Variants in CLEC2D observed in about 807,000 individuals in gnomAD.
The protein encoded by CLEC2D is C-type lectin related f.
In CLEC2D, 16 loss-of-function variants were observed where a neutral mutation model predicts 20.0. The observed-to-expected ratio is 0.80, with a 90% CI of 0.54 to 1.22. The LOEUF (loss-of-function observed/expected upper bound fraction) is 1.22. Among genes scored for constraint, CLEC2D ranks in the 50% most tolerant of loss-of-function variants. CLEC2D has a pLI of 0.00. For synonymous variants in CLEC2D, 77 were observed against 71.1 expected (o/e 1.08, Z -0.42); for missense variants, 207 against 221.5 (o/e 0.93, Z 0.42).
intron 2 of CLEC2D, among the ~76,000 whole-genome samples, chr12:9,682,730 G>A (rs1170165761): frequency 1.3e-5 from 2 of 152,136 alleles, no homozygotes; most frequent in East Asian, 1.9e-4. Flanking sequence ...AGTATTCCAT[G>A]GTGTATATGT....
Position 9,694,820 on chromosome 12 carries a change from C to T in CLEC2D, c.522C>T (p.Ala174=). The part of the protein sequence containing the change: ...AYLNDKGASS[A]RHYTERKWIC... The stretch of plus-strand genomic sequence containing the variant: ...TGAATGACAAAGGTGCCAGTAGTGC[C>T]AGGCACTACACAGAGAGGAAGTGGA... The change falls in exon 5 of 5, where the codon GCC becomes GCT. Residue 174 remains alanine (A), a synonymous_variant. Coordinates refer to ENST00000290855, the MANE Select transcript of CLEC2D (RefSeq NM_013269.6). The T allele has an allele frequency of 6.2e-7, 1 of 1,612,796 alleles. No individual in the cohort carries two copies.
At chr12:9,676,470 A>G (rs1865522619) in intron 1 of CLEC2D, among the ~76,000 whole-genome samples, 1 of 152,158 alleles carries the variant, frequency 6.6e-6, no homozygotes, top group Non-Finnish European at 1.5e-5. Context: ...TGTTATGGAT[A>G]ACATTAATTG....
intron 3 of CLEC2D, among the ~76,000 whole-genome samples, chr12:9,690,706 T>C (rs142245019): frequency 2.0e-5 from 3 of 152,102 alleles, no homozygotes; most frequent in Non-Finnish European, 4.4e-5. Flanking sequence ...GTTACAAGTT[T>C]AAGATGCTAA....
chr12:9,695,584 G>T lies in CLEC2D; in HGVS notation c.*710G>T, dbSNP rs535141989. On this transcript the variant is annotated 3_prime_UTR_variant, in exon 5 of 5. Transcript: ENST00000290855. ...TGTTGAAGCAGAGGCCATGAATGAC[G>T]AAGGCAGTCCAATTAAAGTAACACT... 30 of 1,521,952 alleles carry T rather than the reference G, an allele frequency of 2.0e-5. No homozygotes were observed. The Admixed American group carries it at 4.7e-4, about 24-fold the overall frequency. The allele number at this position is 1,521,952 out of a possible 1,614,324, so 94.3% of individuals were successfully genotyped here.
intron 1 of CLEC2D, chr12:9,680,049 A>C (rs1483967455): frequency 6.5e-6 from 1 of 154,546 alleles, no homozygotes; most frequent in East Asian, 1.9e-4. Context: ...TGTAGTTCTC[A>C]TAATCCCCAC....
At chr12:9,671,623 A>AG (rs1565462879) in intron 1 of CLEC2D, among the ~76,000 whole-genome samples, 1 of 152,170 alleles carries the variant, frequency 6.6e-6, no homozygotes. Context: ...TGTAGACAAG[A>AG]GGGGGAGAAA....
At chr12:9,670,380 A>G (rs1413848956) in intron 1 of CLEC2D, among the ~76,000 whole-genome samples, 1 of 152,224 alleles carries the variant, frequency 6.6e-6, no homozygotes, top group Non-Finnish European at 1.5e-5. Context: ...AGGACTTAAA[A>G]GTTTGGAGTT....
chr12:9,686,440 T>G (rs1269222322), intron 2 of CLEC2D, among the ~76,000 whole-genome samples: 1 of 152,136 alleles, frequency 6.6e-6, no homozygotes, highest in Non-Finnish European at 1.5e-5. Flanking sequence ...AGTTATAATT[T>G]GGTATCACCT....
chr12:9,679,625 G>A (rs1865593841), intron 1 of CLEC2D, among the ~76,000 whole-genome samples: 1 of 152,100 alleles, frequency 6.6e-6, no homozygotes, highest in Non-Finnish European at 1.5e-5. Flanking sequence ...GATAAAGGGG[G>A]TACAGGGGCA....
rs1865618629 is a variant in CLEC2D, at chr12:9,680,803, T to A, written c.62-120T>A. Reference sequence around the variant, plus strand: ...AGTAAGTTCATAAGATGACAGGTCATTTGCATCCTCTAGTGAAAAGCGAAG... The same window carrying A: ...AGTAAGTTCATAAGATGACAGGTCAATTGCATCCTCTAGTGAAAAGCGAAG... On this transcript the variant is annotated intron_variant, in intron 1 of 4. Transcript: ENST00000290855. 14 of 575,154 alleles carry A rather than the reference T, an allele frequency of 2.4e-5. No individual in the cohort carries two copies. In the East Asian group the frequency reaches 3.9e-4, roughly 16 times the overall value. 35.6% of individuals were successfully genotyped at this position (575,154 alleles called of 1,614,324 possible).
chr12:9,679,393 T>C (rs943553344), intron 1 of CLEC2D, among the ~76,000 whole-genome samples: 1 of 152,146 alleles, frequency 6.6e-6, no homozygotes, highest in Non-Finnish European at 1.5e-5. Context: ...TATCTCAATG[T>C]TTCTCCAAAA....
At chr12:9,688,129 A>C in intron 3 of CLEC2D, 43 bp downstream of exon 3, 1 of 1,499,268 alleles carries the variant, frequency 6.7e-7, no homozygotes. Flanking sequence ...TCAGCCCTAC[A>C]AGGATATGTT....
chr12:9,695,224 T>TCC lies in CLEC2D; in HGVS notation c.*350_*351insCC. The TCC allele has an allele frequency of 1.6e-6, 1 of 612,688 alleles. No individual in the cohort carries two copies. The allele number at this position is 612,688 out of a possible 1,614,324, so 38.0% of individuals were successfully genotyped here. On this transcript the variant is annotated 3_prime_UTR_variant, in exon 5 of 5. Transcript: ENST00000290855. ...CTTATGTGGTGGCAGGCAGGGGGAC[T>TCC]TGTGCACAGGAACTCCTATTTATAC...
At position 9,696,842 on chromosome 12, in the gene CLEC2D, A is replaced by G. The variant is rs1010787180; in HGVS notation, c.*1968A>G. 1.3e-5 allele frequency: 2 copies of G among 152,190 alleles called. No individual in the cohort carries two copies. 9.4% of individuals were successfully genotyped at this position (152,190 alleles called of 1,614,324 possible). ...TAAAAAGAGAACTACCATATGAGCC[A>G]GCAATCCCTTTTCCAGATATACACC... On this transcript the variant is annotated 3_prime_UTR_variant, in exon 5 of 5. Coordinates refer to ENST00000290855, the MANE Select transcript of CLEC2D (RefSeq NM_013269.6).
At chr12:9,678,869 A>G (rs1202459291) in intron 1 of CLEC2D, among the ~76,000 whole-genome samples, 1 of 152,064 alleles carries the variant, frequency 6.6e-6, no homozygotes, top group East Asian at 1.9e-4. Flanking sequence ...CTGCATTTTT[A>G]GTTTTTAACT....
At chr12:9,672,211 A>C (rs770222755) in intron 1 of CLEC2D, among the ~76,000 whole-genome samples, 1 of 152,324 alleles carries the variant, frequency 6.6e-6, no homozygotes, top group African/African-American at 2.4e-5. Flanking sequence ...ACTTGCTTTT[A>C]TAACAAATCC....
At chr12:9,670,960 T>A (rs958373194) in intron 1 of CLEC2D, among the ~76,000 whole-genome samples, 1 of 152,172 alleles carries the variant, frequency 6.6e-6, no homozygotes, top group Non-Finnish European at 1.5e-5. Flanking sequence ...AGTTTATGAA[T>A]AATGTTCATG....
intron 1 of CLEC2D, among the ~76,000 whole-genome samples, chr12:9,673,120 C>T (rs956591192): frequency 2.6e-5 from 4 of 152,116 alleles, no homozygotes; most frequent in Admixed American, 6.5e-5. Context: ...AGAACTGTTG[C>T]GATCATTTGG....
chr12:9,693,250 C>T (rs1865906367), intron 4 of CLEC2D: 1 of 635,104 alleles, frequency 1.6e-6, no homozygotes, highest in South Asian at 2.1e-5. Context: ...CACTTGTCCT[C>T]CTGATTTCAC....
Sources: allele counts gnomAD v4.1 joint callset (sites outside exome capture counted in the v4.1 genomes callset), GRCh38; gene constraint gnomAD v4.1.1; transcripts MANE v1.5; gene names NCBI Gene and HGNC (gene_info 2026-07-23, HGNC 2026-07-21).